ABI2: variants seen among roughly 807,000 people sequenced by gnomAD.
The protein encoded by ABI2 is abl interactor 2.
A neutral mutation model predicts 59.2 loss-of-function variants in ABI2; 25 were observed. The observed-to-expected ratio is 0.42, with a 90% CI of 0.31 to 0.59. ABI2 has a LOEUF of 0.59. Ranked by LOEUF, ABI2 falls within the 20% of genes least tolerant of loss-of-function variation. The pLI is 0.14. For synonymous variants in ABI2, 213 were observed against 235.5 expected, an observed-to-expected ratio of 0.90 and a Z score of 0.87; for missense variants, 545 against 681.8, an observed-to-expected ratio of 0.80 and a Z score of 2.23.
chr2:203,411,262 C>T lies in ABI2; in HGVS notation c.1193-23C>T, dbSNP rs760075671. 8 of 1,585,988 alleles carry T rather than the reference C, an allele frequency of 5.0e-6. No homozygotes were observed. In the South Asian group the frequency reaches 8.8e-5, roughly 18 times the overall value. Reference sequence around the variant, plus strand: ...GTAACTCGCCCTTATCCCTTATCCTCCACACCTTTTTTGTTTTTGCAGTAT... The same window carrying T: ...GTAACTCGCCCTTATCCCTTATCCTTCACACCTTTTTTGTTTTTGCAGTAT... On this transcript the variant is annotated intron_variant, in intron 9 of 11. Transcript: ENST00000261018.
At chr2:203,360,368 C>CT (rs2093315367) in intron 1 of ABI2, among the ~76,000 whole-genome samples, 1 of 151,996 alleles carries the variant, frequency 6.6e-6, no homozygotes, top group Non-Finnish European at 1.5e-5. Context: ...ATGAGGAATG[C>CT]TTTAAACAAA....
At chr2:203,360,882 C>G (rs183457291) in intron 1 of ABI2, among the ~76,000 whole-genome samples, 2 of 152,174 alleles carry the variant, frequency 1.3e-5, no homozygotes, top group Non-Finnish European at 2.9e-5. Context: ...TATGCTGTTG[C>G]TAATATCATT....
chr2:203,349,353 C>T (rs921788989), intron 1 of ABI2, among the ~76,000 whole-genome samples: 2 of 152,116 alleles, frequency 1.3e-5, no homozygotes, highest in African/African-American at 2.4e-5. Context: ...GATATATTTC[C>T]ACTGTCTAAT....
intron 1 of ABI2, among the ~76,000 whole-genome samples, chr2:203,358,841 C>G (rs2092860084): frequency 6.6e-6 from 1 of 152,158 alleles, no homozygotes; most frequent in Non-Finnish European, 1.5e-5. Context: ...GAAACCCAAT[C>G]TCTACTAAAA....
At chr2:203,396,503 C>T (rs538995445) in intron 7 of ABI2, among the ~76,000 whole-genome samples, 1 of 152,090 alleles carries the variant, frequency 6.6e-6, no homozygotes, top group East Asian at 1.9e-4. Flanking sequence ...CTAAAAATAA[C>T]AATACGAAGG....
intron 8 of ABI2, among the ~76,000 whole-genome samples, chr2:203,401,611 G>C (rs2097221966): frequency 6.6e-6 from 1 of 152,024 alleles, no homozygotes; most frequent in African/African-American, 2.4e-5. Flanking sequence ...TATGGACTTA[G>C]GGATGATATT....
In ABI2 at chr2:203,411,351, T is replaced by G. The variant is rs1559364840; in HGVS notation, c.1259T>G (p.Val420Gly). The change falls in exon 10 of 12, where the codon GTG becomes GGG. Residue 420 changes from valine (V) to glycine (G), a missense_variant. By Grantham distance (109) the Val-to-Gly change is moderately radical (BLOSUM62 -3). Coordinates refer to ENST00000261018, the MANE Select transcript of ABI2 (RefSeq NM_001375670.1). ...VTPQLPLMGF[V>G]ARVQENISDT... is the part of the protein sequence containing the mutation. ...CCTCAGTTACCTTTAATGGGATTTG[T>G]GGCCAGAGTCCAAGAAAATAGTAAG... 1 of 1,613,432 alleles carries G rather than the reference T, an allele frequency of 6.2e-7. No homozygotes were observed. The highest frequency in any genetic ancestry group is 8.5e-7 in the Non-Finnish European group (1 of 1,179,568).
At chr2:203,335,460 CTA>C (rs1291368350) in intron 1 of ABI2, among the ~76,000 whole-genome samples, 6 of 152,222 alleles carry the variant, frequency 3.9e-5, no homozygotes, top group Non-Finnish European at 8.8e-5. Context: ...TGGGATCTCA[CTA>C]TGTTGCTCCG....
At chr2:203,366,125 T>G (rs1353614439) in intron 1 of ABI2, among the ~76,000 whole-genome samples, 1 of 152,158 alleles carries the variant, frequency 6.6e-6, no homozygotes, top group Admixed American at 6.5e-5. Context: ...AGAATGAGTC[T>G]AACTGCATGT....
intron 2 of ABI2, among the ~76,000 whole-genome samples, chr2:203,378,540 T>C (rs1287890135): frequency 6.6e-6 from 1 of 152,226 alleles, no homozygotes; most frequent in Admixed American, 6.5e-5. Flanking sequence ...GGTCTCTTGG[T>C]TGTAGAGAAA....
chr2:203,425,238 T>A (rs1165893087), intron 11 of ABI2, among the ~76,000 whole-genome samples: 1 of 152,136 alleles, frequency 6.6e-6, no homozygotes, highest in Non-Finnish European at 1.5e-5. Flanking sequence ...ATTTTTCTTT[T>A]TTGAGACAAG....
intron 5 of ABI2, among the ~76,000 whole-genome samples, chr2:203,394,174 T>C (rs1236080086): frequency 1.3e-5 from 2 of 152,232 alleles, no homozygotes; most frequent in African/African-American, 4.8e-5. Flanking sequence ...TATATAGATA[T>C]ACTTTAATTT....
chr2:203,406,646 A>G (rs547304408), intron 9 of ABI2, among the ~76,000 whole-genome samples: 11 of 152,214 alleles, frequency 7.2e-5, no homozygotes, highest in Middle Eastern at 3.2e-3. Flanking sequence ...TTAGCAAAGT[A>G]TAAATAAAGA....
chr2:203,368,361 T>C (rs540763135), intron 2 of ABI2, among the ~76,000 whole-genome samples: 115 of 152,262 alleles, frequency 7.6e-4, no homozygotes, highest in Middle Eastern at 3.4e-3. Context: ...ATGATTATTA[T>C]TCAACACTCT....
Position 203,328,460 on chromosome 2 carries a change from C to A in ABI2, c.-55C>A. ...CCGGTCCTGGGTTTCCTTGGCGCTG[C>A]GGCCGCCGCTCCCTCTGCGACCTGT... On this transcript the variant is annotated 5_prime_UTR_variant, in exon 1 of 12. Transcript: ENST00000261018. The A allele has an allele frequency of 7.0e-7, 1 of 1,425,406 alleles. No homozygotes were observed. Among genetic ancestry groups the A allele is most frequent in the Non-Finnish European group, 9.6e-7 (1 of 1,040,116 alleles). 88.3% of individuals were successfully genotyped at this position (1,425,406 alleles called of 1,614,324 possible). A position where few individuals can be genotyped will look rare whatever the true frequency, so the allele number is the denominator to read the frequency against.
At chr2:203,335,713 TTTC>T (rs1181628858) in intron 1 of ABI2, among the ~76,000 whole-genome samples, 5 of 152,258 alleles carry the variant, frequency 3.3e-5, no homozygotes, top group African/African-American at 1.2e-4. Flanking sequence ...GTTTTGCTTT[TTTC>T]TTCTTAAGTA....
chr2:203,398,780 G>A (rs1363779764), intron 8 of ABI2, among the ~76,000 whole-genome samples: 1 of 152,006 alleles, frequency 6.6e-6, no homozygotes, highest in Non-Finnish European at 1.5e-5. Context: ...GCCTTTTTAA[G>A]TATAACATAA....
At chr2:203,391,301 A>G (rs548416866) in intron 5 of ABI2, among the ~76,000 whole-genome samples, 158 bp downstream of exon 5, 2 of 152,304 alleles carry the variant, frequency 1.3e-5, no homozygotes, top group East Asian at 1.9e-4. Flanking sequence ...TGGGAAACAC[A>G]TTTTTATACT....
At chr2:203,361,153 C>G (rs1021830792) in intron 1 of ABI2, among the ~76,000 whole-genome samples, 24 of 152,106 alleles carry the variant, frequency 1.6e-4, no homozygotes, top group Admixed American at 1.5e-3. Flanking sequence ...TAGAAAAGTC[C>G]CAGAGAAGTC....
Sources: allele counts gnomAD v4.1 joint callset (sites outside exome capture counted in the v4.1 genomes callset), GRCh38; gene constraint gnomAD v4.1.1; transcripts MANE v1.5; gene names NCBI Gene and HGNC (gene_info 2026-07-23, HGNC 2026-07-21).